Variants in DOP1A observed in about 807,000 individuals in gnomAD.
The protein encoded by DOP1A is DOP1 leucine zipper like protein A.
Under a neutral mutation model 267.6 loss-of-function variants are expected in DOP1A, and 90 were observed. That is an observed-to-expected ratio of 0.34 (90% CI 0.28 to 0.40). The LOEUF (loss-of-function observed/expected upper bound fraction) is 0.40, where lower values mean the gene tolerates loss of function less well. Among genes scored for constraint, DOP1A ranks in the 10% least tolerant of loss-of-function variants. The pLI, the probability that DOP1A is intolerant of heterozygous loss-of-function variation, is 1.00. For synonymous variants in DOP1A, 932 were observed against 999.1 expected (o/e 0.93, Z 1.27); for missense variants, 2,437 against 2,900.4 (o/e 0.84, Z 3.67).
intron 1 of DOP1A, among the ~76,000 whole-genome samples, chr6:83,071,430 C>A (rs1237915371): frequency 2.0e-5 from 3 of 152,106 alleles, no homozygotes; most frequent in Non-Finnish European, 2.9e-5. Flanking sequence ...TGGTCTCAAA[C>A]TCCTGACCTC....
chr6:83,122,719 A>G (rs180915708), intron 11 of DOP1A, 144 bp from the exon 12 acceptor site: 1 of 537,112 alleles, frequency 1.9e-6, no homozygotes, highest in Admixed American at 4.4e-5. Context: ...GTGGCAGTAG[A>G]TAAAAATTAT....
chr6:83,153,888 T>C lies in DOP1A; in HGVS notation c.6240-6T>C, dbSNP rs1782230600. 6.2e-7 allele frequency: 1 copy of C among 1,606,662 alleles called. No individual in the cohort carries two copies. The highest frequency in any genetic ancestry group is 1.7e-5 in the Admixed American group (1 of 58,002). ...CGTAGGTTAAGGTGGTTTTTCTTCC[T>C]TGTAGTGCACATAATGCCCCTAGTT... On this transcript the variant is annotated splice_polypyrimidine_tract_variant and splice_region_variant and intron_variant, in intron 31 of 38. Coordinates refer to ENST00000349129, the MANE Select transcript of DOP1A (RefSeq NM_015018.4).
At chr6:83,161,493 T>A (rs1036915126) in intron 37 of DOP1A, among the ~76,000 whole-genome samples, 3 of 152,156 alleles carry the variant, frequency 2.0e-5, no homozygotes, top group African/African-American at 7.2e-5. Flanking sequence ...GTAAAAGATA[T>A]TTTCGATGTA....
At position 83,100,754 on chromosome 6, in the gene DOP1A, T is replaced by C; in HGVS notation, c.188T>C (p.Ile63Thr). ...CAAGTAGTACCCAAAAAGCTGACCA[T>C]AGGCAAACGCCTAGCTCAATGTCTA... The part of the protein sequence containing the change: ...KYQVVPKKLT[I>T]GKRLAQCLHP... The change falls in exon 4 of 39, where the codon ATA becomes ACA. Residue 63 changes from isoleucine to threonine, a missense_variant. Ile to Thr is a moderately conservative substitution (Grantham distance 89). Coordinates refer to ENST00000349129, the MANE Select transcript of DOP1A (RefSeq NM_015018.4). 6.4e-7 allele frequency: 1 copy of C among 1,558,956 alleles called. No individual in the cohort carries two copies.
chr6:83,089,686 TG>T (rs1388967224), intron 1 of DOP1A, among the ~76,000 whole-genome samples: 1 of 152,234 alleles, frequency 6.6e-6, no homozygotes, highest in Non-Finnish European at 1.5e-5. Flanking sequence ...TTAAGTTTCC[TG>T]GTTATATTAA....
chr6:83,166,143 A>AT (rs1258618032), intron 38 of DOP1A: 1 of 464,190 alleles, frequency 2.2e-6, no homozygotes, highest in Non-Finnish European at 3.8e-6. Flanking sequence ...AAAACAACGA[A>AT]TTTTTTTATT....
chr6:83,119,121 A>T, intron 8 of DOP1A, 134 bp downstream of exon 8: 1 of 697,028 alleles, frequency 1.4e-6, no homozygotes, highest in Non-Finnish European at 2.5e-6. Flanking sequence ...CAATAAAAAT[A>T]TAAACAGTAT....
At chr6:83,075,621 T>C (rs1766946838) in intron 1 of DOP1A, among the ~76,000 whole-genome samples, 1 of 152,238 alleles carries the variant, frequency 6.6e-6, no homozygotes, top group South Asian at 2.1e-4. Context: ...GTAATCAAAA[T>C]AGTATGGTAC....
chr6:83,087,316 G>T (rs1326395592), intron 1 of DOP1A, among the ~76,000 whole-genome samples: 2 of 152,200 alleles, frequency 1.3e-5, no homozygotes, highest in African/African-American at 4.8e-5. Flanking sequence ...AGTGGGTTAG[G>T]ATAGTGTTGA....
chr6:83,136,176 C>G lies in DOP1A; in HGVS notation c.3130+298C>G, dbSNP rs545139964. 1.6e-4 allele frequency among the ~76,000 whole-genome samples: 24 copies of G among 152,234 alleles called. No homozygotes were observed. In the South Asian group the frequency reaches 5.0e-3, roughly 32 times the overall value. ...TATCTTTAGAGCTTAGTTAGCAATTCTGGTCCTACAGGCTCTGTAGATACT... is the reference window on the plus strand; with the variant it reads ...TATCTTTAGAGCTTAGTTAGCAATTGTGGTCCTACAGGCTCTGTAGATACT... On this transcript the variant is annotated intron_variant, in intron 20 of 38. Coordinates refer to ENST00000349129, the MANE Select transcript of DOP1A (RefSeq NM_015018.4).
Position 83,156,052 on chromosome 6 carries a change from A to G in DOP1A, c.6553A>G (p.Ile2185Val), listed in dbSNP as rs1583159530. The G allele has an allele frequency of 3.1e-6, 5 of 1,613,966 alleles. No homozygotes were observed. Among genetic ancestry groups the G allele is most frequent in the East Asian group, 4.5e-5 (2 of 44,884 alleles). ...GCTTCTTAAAAGATTAGCATTTGCT[A>G]TTTTTAGCAGTGAAATTGACCAGTA... ...AMLLKRLAFA[I>V]FSSEIDQYQK... Residue 2185 changes from isoleucine (I) to valine (V), a missense_variant, in exon 34 of 39, where the codon ATT becomes GTT. Transcript: ENST00000349129.
Position 83,148,790 on chromosome 6 carries a change from G to A in DOP1A, c.5764G>A (p.Ala1922Thr). Residue 1922 changes from alanine (A) to threonine (T), a missense_variant, in exon 27 of 39, where the codon GCG becomes ACG. Ala to Thr is a moderately conservative substitution (Grantham distance 58). Coordinates refer to ENST00000349129, the MANE Select transcript of DOP1A (RefSeq NM_015018.4). ...IPVPNLVDSWASLLILLKDSI... is the reference protein window; with the variant it reads ...IPVPNLVDSWTSLLILLKDSI... ...AGTGCCCAATTTAGTGGATAGCTGGGCGTCACTGTTGATACTTCTGAAAGA... is the reference window on the plus strand; with the variant it reads ...AGTGCCCAATTTAGTGGATAGCTGGACGTCACTGTTGATACTTCTGAAAGA... The A allele has an allele frequency of 6.4e-7, 1 of 1,559,730 alleles. No individual in the cohort carries two copies. Among genetic ancestry groups the A allele is most frequent in the Non-Finnish European group, 8.6e-7 (1 of 1,161,660 alleles).
chr6:83,131,801 A>G (rs936537014), intron 17 of DOP1A, among the ~76,000 whole-genome samples: 1 of 152,030 alleles, frequency 6.6e-6, no homozygotes, highest in Admixed American at 6.6e-5. Context: ...ATGCCTGGCT[A>G]ACTTTTTGTA....
At chr6:83,164,596 C>G (rs1195462885) in intron 38 of DOP1A, 1 of 1,471,576 alleles carries the variant, frequency 6.8e-7, no homozygotes, top group African/African-American at 1.4e-5. Flanking sequence ...TAAACAAGGT[C>G]TTCATGGCCA....
At chr6:83,142,192 T>A in intron 24 of DOP1A, 146 bp downstream of exon 24, 2 of 1,040,726 alleles carry the variant, frequency 1.9e-6, no homozygotes, top group Non-Finnish European at 2.7e-6. Context: ...ATTGTTGCCT[T>A]AATTTCTTTA....
At chr6:83,116,261 A>G (rs577342452) in intron 7 of DOP1A, among the ~76,000 whole-genome samples, 9 of 152,248 alleles carry the variant, frequency 5.9e-5, no homozygotes, top group South Asian at 2.1e-4. Context: ...ATTCTATTCC[A>G]CTAAAATCCA....
chr6:83,071,824 C>T (rs996384302), intron 1 of DOP1A, among the ~76,000 whole-genome samples: 14 of 152,202 alleles, frequency 9.2e-5, no homozygotes, highest in Admixed American at 5.2e-4. Flanking sequence ...TACTAGGGTA[C>T]ATTAGCCTTA....
intron 38 of DOP1A, chr6:83,166,108 C>A (rs1785455719): frequency 4.9e-6 from 2 of 410,814 alleles, no homozygotes; most frequent in Admixed American, 4.0e-5. Context: ...ATTATTGTTG[C>A]ATAGAATAGA....
chr6:83,169,759 G>A, downstream of DOP1A: 2 of 457,978 alleles, frequency 4.4e-6, no homozygotes, highest in Non-Finnish European at 8.8e-6. Context: ...CGCACTCACT[G>A]TACTTTGCCC....
Sources: gnomAD v4.1 joint callset for allele counts (sites outside exome capture counted in the v4.1 genomes callset) on GRCh38, gnomAD v4.1.1 for gene constraint, MANE v1.5 for transcripts, NCBI Gene and HGNC (gene_info 2026-07-23, HGNC 2026-07-21) for gene names.